Variants in CHST11 observed in about 807,000 individuals in gnomAD.
CHST11 encodes carbohydrate sulfotransferase 11.
A neutral mutation model predicts 30.4 loss-of-function variants in CHST11; 9 were observed. The ratio of observed to expected loss-of-function variants is 0.30; its 90% CI spans 0.18 to 0.52. The LOEUF (loss-of-function observed/expected upper bound fraction) is 0.52. Ranked by LOEUF, CHST11 falls within the 20% of genes least tolerant of loss-of-function variation. The pLI, the probability that CHST11 is intolerant of heterozygous loss-of-function variation, is 0.97. For synonymous variants in CHST11, 152 were observed against 187.8 expected, an observed-to-expected ratio of 0.81 and a Z score of 1.56; for missense variants, 348 against 460.6, an observed-to-expected ratio of 0.76 and a Z score of 2.24.
At chr12:104,682,678 A>G (rs1258769603) in intron 2 of CHST11, among the ~76,000 whole-genome samples, 1 of 152,230 alleles carries the variant, frequency 6.6e-6, no homozygotes, top group African/African-American at 2.4e-5. Context: ...CAGACTAGAG[A>G]TAGCAATGGT....
At chr12:104,538,387 A>G (rs2038257714) in intron 1 of CHST11, among the ~76,000 whole-genome samples, 1 of 152,168 alleles carries the variant, frequency 6.6e-6, no homozygotes, top group South Asian at 2.1e-4. Flanking sequence ...CACCCTCTCA[A>G]CATGAGTTAT....
Position 104,648,730 on chromosome 12 carries a change from C to T in CHST11, c.204+46739C>T, listed in dbSNP as rs112833284. 4.4e-3 allele frequency among the ~76,000 whole-genome samples: 672 copies of T among 152,198 alleles called. 1 individual carries two copies. Among genetic ancestry groups the T allele is most frequent in the Non-Finnish European group, 6.0e-3 (409 of 67,992 alleles). ...TCGGGAGGCCAGGGCAGGAGAATCA[C>T]TTGAACACAGGAGGTGGAGGTTGCA... is the stretch of plus-strand genomic sequence containing the variant. On this transcript the variant is annotated intron_variant, in intron 2 of 2. Transcript: ENST00000303694.
chr12:104,635,722 C>T (rs1179362752), intron 2 of CHST11, among the ~76,000 whole-genome samples: 1 of 152,208 alleles, frequency 6.6e-6, no homozygotes, highest in Non-Finnish European at 1.5e-5. Flanking sequence ...GTGCTGGTCT[C>T]ATCCAAAGAA....
intron 2 of CHST11, among the ~76,000 whole-genome samples, chr12:104,610,843 A>G (rs1027150229): frequency 7.2e-5 from 11 of 152,340 alleles, no homozygotes; most frequent in Admixed American, 2.0e-4. Flanking sequence ...TCTGAGGCAC[A>G]TGGCTGAACC....
At chr12:104,538,566 T>A (rs2135999799) in intron 1 of CHST11, among the ~76,000 whole-genome samples, 1 of 152,336 alleles carries the variant, frequency 6.6e-6, no homozygotes, top group South Asian at 2.1e-4. Flanking sequence ...TTTTGAACTT[T>A]GCCCATCCAT....
intron 2 of CHST11, among the ~76,000 whole-genome samples, chr12:104,689,439 C>A (rs928090117): frequency 1.3e-5 from 2 of 152,252 alleles, no homozygotes; most frequent in African/African-American, 2.4e-5. Context: ...GCAGAACATA[C>A]TTCCCAGCAG....
intron 2 of CHST11, among the ~76,000 whole-genome samples, chr12:104,633,756 T>C (rs934328171): frequency 2.6e-5 from 4 of 152,120 alleles, no homozygotes; most frequent in Non-Finnish European, 5.9e-5. Flanking sequence ...TTTTATTTTT[T>C]AGTCAGGCTT....
At chr12:104,518,450 C>G (rs2038046210) in intron 1 of CHST11, among the ~76,000 whole-genome samples, 1 of 152,078 alleles carries the variant, frequency 6.6e-6, no homozygotes, top group South Asian at 2.1e-4. Flanking sequence ...TTGTCAGTTG[C>G]CTTTGTGCCA....
chr12:104,709,760 G>T (rs990070310), intron 2 of CHST11, among the ~76,000 whole-genome samples: 1 of 152,168 alleles, frequency 6.6e-6, no homozygotes, highest in African/African-American at 2.4e-5. Context: ...AGGGGTAGGG[G>T]GATGGGGACA....
chr12:104,758,566 T>C lies in CHST11; in HGVS notation c.*763T>C. 1 of 152,180 alleles carries C rather than the reference T, an allele frequency of 6.6e-6. No individual in the cohort carries two copies. Among genetic ancestry groups the C allele is most frequent in the Non-Finnish European group, 1.5e-5 (1 of 68,024 alleles). The allele number at this position is 152,180 out of a possible 1,614,324, so 9.4% of individuals were successfully genotyped here. A position where few individuals can be genotyped will look rare whatever the true frequency, so the allele number is the denominator to read the frequency against. ...ATATTCGACAAATATTTATTGAGCA[T>C]CTACTATATACTAGGCCCTGAAGAT... is the stretch of plus-strand genomic sequence containing the variant. On this transcript the variant is annotated 3_prime_UTR_variant, in exon 3 of 3. Coordinates refer to ENST00000303694, the MANE Select transcript of CHST11 (RefSeq NM_018413.6).
intron 2 of CHST11, among the ~76,000 whole-genome samples, chr12:104,640,690 C>T (rs1050638535): frequency 2.0e-5 from 3 of 152,118 alleles, no homozygotes; most frequent in African/African-American, 7.2e-5. Flanking sequence ...CATGACATTA[C>T]ACAAAGAATG....
intron 2 of CHST11, among the ~76,000 whole-genome samples, chr12:104,732,377 A>G (rs2040264860): frequency 6.6e-6 from 1 of 152,156 alleles, no homozygotes; most frequent in African/African-American, 2.4e-5. Context: ...CCTGGCAGAA[A>G]AGCTAGACTC....
At chr12:104,741,149 T>G (rs2040343390) in intron 2 of CHST11, among the ~76,000 whole-genome samples, 1 of 152,226 alleles carries the variant, frequency 6.6e-6, no homozygotes, top group Non-Finnish European at 1.5e-5. Flanking sequence ...CTCACATTGT[T>G]CATAGTGACA....
At chr12:104,630,343 T>C (rs897965583) in intron 2 of CHST11, among the ~76,000 whole-genome samples, 1 of 152,200 alleles carries the variant, frequency 6.6e-6, no homozygotes, top group Admixed American at 6.5e-5. Context: ...ACCCACTTCA[T>C]AGGATTTGTT....
At chr12:104,737,322 G>C (rs901780382) in intron 2 of CHST11, among the ~76,000 whole-genome samples, 3 of 152,256 alleles carry the variant, frequency 2.0e-5, no homozygotes, top group Non-Finnish European at 2.9e-5. Flanking sequence ...TTCAGAACAG[G>C]ACAGCCAGGG....
intron 1 of CHST11, among the ~76,000 whole-genome samples, chr12:104,508,601 A>G (rs1488061287): frequency 6.6e-6 from 1 of 152,212 alleles, no homozygotes; most frequent in African/African-American, 2.4e-5. Context: ...ACTCTGTCTC[A>G]TTCTGGTCCC....
intron 2 of CHST11, among the ~76,000 whole-genome samples, chr12:104,684,913 C>T (rs1176233048): frequency 1.3e-5 from 2 of 152,206 alleles, no homozygotes; most frequent in Admixed American, 6.5e-5. Flanking sequence ...TCTATGCAAC[C>T]TCTTCCCTCC....
Position 104,457,222 on chromosome 12 carries a change from C to A in CHST11, c.-190C>A. On this transcript the variant is annotated 5_prime_UTR_variant, in exon 1 of 3. Coordinates refer to ENST00000303694, the MANE Select transcript of CHST11 (RefSeq NM_018413.6). ...CATCTCAGCACTTCCAGACCAACTC[C>A]GGCACCTTCCACACCCCTGCCCGGG... 2 of 538,120 alleles carry A rather than the reference C, an allele frequency of 3.7e-6. No homozygotes were observed. The highest frequency in any genetic ancestry group is 3.1e-5 in the Admixed American group (1 of 32,122). 33.3% of individuals were successfully genotyped at this position (538,120 alleles called of 1,614,324 possible).
chr12:104,744,959 C>T (rs1224563212), intron 2 of CHST11, among the ~76,000 whole-genome samples: 6 of 151,868 alleles, frequency 4.0e-5, no homozygotes, highest in African/African-American at 9.7e-5. Context: ...CTGCAACCTC[C>T]GCCTCCCAGG....
Sources: gnomAD v4.1 joint callset for allele counts (sites outside exome capture counted in the v4.1 genomes callset) on GRCh38, gnomAD v4.1.1 for gene constraint, MANE v1.5 for transcripts, NCBI Gene and HGNC (gene_info 2026-07-23, HGNC 2026-07-21) for gene names.